RANBP2: variants seen among roughly 807,000 people sequenced by gnomAD.
The protein encoded by RANBP2 is RAN binding protein 2, also known as E3 SUMO-protein ligase RanBP2.
In RANBP2, 57 loss-of-function variants were observed where a neutral mutation model predicts 303.6. The observed-to-expected ratio is 0.19, with a 90% CI of 0.15 to 0.23. The LOEUF is 0.23. RANBP2 is among the 10% of genes least tolerant of loss of function. The pLI, the probability that RANBP2 is intolerant of heterozygous loss-of-function variation, is 1.00. For synonymous variants in RANBP2, 1,167 were observed against 1,301.5 expected (o/e 0.90, Z 2.23); for missense variants, 3,138 against 3,780.8 (o/e 0.83, Z 4.46).
At chr2:109,146,032 C>CGGAGTCCATGCGGGCCGAG in the RANBP2 span, among the ~76,000 whole-genome samples, 2 of 152,074 alleles carry the variant, frequency 1.3e-5, no homozygotes, top group Admixed American at 1.3e-4. Flanking sequence ...TGTGGGCCGA[C>CGGAGTCCATGCGGGCCGAG]GGAGTCCATG....
At chr2:109,076,022 T>C in the RANBP2 span, among the ~76,000 whole-genome samples, 1 of 150,688 alleles carries the variant, frequency 6.6e-6, no homozygotes, top group African/African-American at 2.4e-5. Flanking sequence ...CTGATGAACA[T>C]AGATGCAAAA....
At chr2:109,126,537 C>T in the RANBP2 span, among the ~76,000 whole-genome samples, 1 of 152,174 alleles carries the variant, frequency 6.6e-6, no homozygotes. Context: ...CTGGTCCATA[C>T]TAGTGATAGA....
the RANBP2 span, among the ~76,000 whole-genome samples, chr2:109,387,774 A>G: frequency 2.5e-4 from 38 of 151,956 alleles, no homozygotes; most frequent in African/African-American, 8.7e-4. Context: ...GTCTGTATTT[A>G]TTTCACAGTG....
chr2:109,095,274 C>A, the RANBP2 span, among the ~76,000 whole-genome samples: 1 of 152,112 alleles, frequency 6.6e-6, no homozygotes. Context: ...AGGTTTTTCA[C>A]CAAAAATAAA....
At chr2:108,843,643 G>A in the RANBP2 span, among the ~76,000 whole-genome samples, 1 of 152,096 alleles carries the variant, frequency 6.6e-6, no homozygotes, top group East Asian at 1.9e-4. Context: ...TCTGTCATTT[G>A]AGTTATTTTC....
chr2:109,579,972 T>C, the RANBP2 span, among the ~76,000 whole-genome samples: 4 of 151,490 alleles, frequency 2.6e-5, no homozygotes, highest in South Asian at 6.3e-4. Context: ...AATACAAAAA[T>C]TAGCTGGGCG....
chr2:108,750,070 CG>C (rs1675743619), intron 9 of RANBP2, among the ~76,000 whole-genome samples: 1 of 152,218 alleles, frequency 6.6e-6, no homozygotes, highest in African/African-American at 2.4e-5. Flanking sequence ...CGCTTCAACC[CG>C]GGAGGCGGAG....
the RANBP2 span, among the ~76,000 whole-genome samples, chr2:109,238,410 TTTTC>T: frequency 6.6e-6 from 1 of 151,758 alleles, no homozygotes; most frequent in Non-Finnish European, 1.5e-5. Context: ...AATTTTCTCT[TTTTC>T]TTTAATTTAT....
At chr2:109,457,459 G>T in the RANBP2 span, among the ~76,000 whole-genome samples, 1 of 152,234 alleles carries the variant, frequency 6.6e-6, no homozygotes, top group Admixed American at 6.5e-5. Context: ...TGTAAGTCAT[G>T]TGTAATAGTT....
chr2:109,517,113 G>C, the RANBP2 span, among the ~76,000 whole-genome samples: 14 of 152,296 alleles, frequency 9.2e-5, no homozygotes, highest in African/African-American at 3.4e-4. Context: ...CAGAAACACT[G>C]AGTTCTGGGG....
chr2:109,475,324 CA>C, the RANBP2 span, among the ~76,000 whole-genome samples: 1 of 152,224 alleles, frequency 6.6e-6, no homozygotes, highest in Non-Finnish European at 1.5e-5. Context: ...TTGTGTCTGC[CA>C]AATGGATTCT....
At chr2:109,350,336 G>A in the RANBP2 span, among the ~76,000 whole-genome samples, 2 of 152,278 alleles carry the variant, frequency 1.3e-5, no homozygotes, top group Middle Eastern at 3.4e-3. Flanking sequence ...GATCTGTGAC[G>A]GCTCCCACAG....
chr2:109,595,984 C>A, the RANBP2 span, among the ~76,000 whole-genome samples: 1 of 152,168 alleles, frequency 6.6e-6, no homozygotes, highest in African/African-American at 2.4e-5. Flanking sequence ...ACATATAATT[C>A]ACTGAGGCTA....
the RANBP2 span, among the ~76,000 whole-genome samples, chr2:109,392,014 C>T: frequency 6.6e-6 from 1 of 152,094 alleles, no homozygotes; most frequent in African/African-American, 2.4e-5. Flanking sequence ...CTGGGTCTCA[C>T]TATATTACCC....
At chr2:109,491,922 A>G in the RANBP2 span, among the ~76,000 whole-genome samples, 1 of 152,174 alleles carries the variant, frequency 6.6e-6, no homozygotes, top group African/African-American at 2.4e-5. Context: ...CGCCATTCCC[A>G]GTGCCAGGTG....
the RANBP2 span, among the ~76,000 whole-genome samples, chr2:109,587,927 AAAAC>A: frequency 1.3e-5 from 2 of 151,620 alleles, no homozygotes; most frequent in Non-Finnish European, 2.9e-5. Context: ...AAAAAAAACA[AAAAC>A]AAACACACAC....
the RANBP2 span, among the ~76,000 whole-genome samples, chr2:109,662,741 C>T: frequency 1.3e-5 from 2 of 152,168 alleles, no homozygotes; most frequent in Non-Finnish European, 2.9e-5. Flanking sequence ...GTGTTTCCCT[C>T]AGTGAATCTC....
At chr2:108,999,002 TTC>T in the RANBP2 span, among the ~76,000 whole-genome samples, 1 of 152,238 alleles carries the variant, frequency 6.6e-6, no homozygotes, top group Non-Finnish European at 1.5e-5. Context: ...TCTCAAGCCA[TTC>T]TGTTTTTCCA....
chr2:109,462,617 A>C, the RANBP2 span, among the ~76,000 whole-genome samples: 1 of 152,122 alleles, frequency 6.6e-6, no homozygotes, highest in African/African-American at 2.4e-5. Context: ...CTTTTATTTT[A>C]CCATTTTCTG....
Sources: gnomAD v4.1 joint callset for allele counts (sites outside exome capture counted in the v4.1 genomes callset) on GRCh38, gnomAD v4.1.1 for gene constraint, MANE v1.5 for transcripts, NCBI Gene and HGNC (gene_info 2026-07-23, HGNC 2026-07-21) for gene names.